CSMD1: variants seen among roughly 807,000 people sequenced by gnomAD.
CSMD1 encodes CUB and Sushi multiple domains 1.
In CSMD1, 213 loss-of-function variants were observed where a neutral mutation model predicts 417.5. The observed-to-expected ratio is 0.51, with a 90% CI of 0.46 to 0.57. The LOEUF is 0.57. Among genes scored for constraint, CSMD1 ranks in the 20% least tolerant of loss-of-function variants. The probability of loss-of-function intolerance (pLI) is 0.00; values close to 1 mark genes in which losing one functional copy is unlikely to be tolerated. For synonymous variants in CSMD1, 2,862 were observed against 1,736.8 expected (o/e 1.65, Z -16.11); for missense variants, 6,923 against 4,529.7 (o/e 1.53, Z -15.17).
chr8:3,826,120 C>A (rs1301333803), intron 5 of CSMD1, among the ~76,000 whole-genome samples: 2 of 152,236 alleles, frequency 1.3e-5, no homozygotes, highest in Admixed American at 1.3e-4. Flanking sequence ...AACCGGCCGT[C>A]AGCAGGGAAC....
At chr8:3,786,383 G>C (rs1456660401) in intron 5 of CSMD1, among the ~76,000 whole-genome samples, 1 of 152,096 alleles carries the variant, frequency 6.6e-6, no homozygotes, top group Non-Finnish European at 1.5e-5. Context: ...AGATACTAGA[G>C]TGAGAAGAAG....
chr8:4,780,620 T>C (rs537701571), intron 1 of CSMD1, among the ~76,000 whole-genome samples: 19 of 152,312 alleles, frequency 1.2e-4, no homozygotes, highest in African/African-American at 4.1e-4. Context: ...TTTGGTTACA[T>C]GAACAAGTTA....
At chr8:3,452,161 G>C (rs944494643) in intron 12 of CSMD1, among the ~76,000 whole-genome samples, 1 of 152,212 alleles carries the variant, frequency 6.6e-6, no homozygotes, top group African/African-American at 2.4e-5. Flanking sequence ...TTTGCACACT[G>C]ATTTTGTATC....
At chr8:3,922,464 C>T (rs779044547) in intron 5 of CSMD1, among the ~76,000 whole-genome samples, 119 of 151,924 alleles carry the variant, frequency 7.8e-4, no homozygotes, top group African/African-American at 2.5e-3. Flanking sequence ...TTCTGTTTCT[C>T]GTCACATTTT....
chr8:3,724,802 C>T (rs977130688), intron 6 of CSMD1, among the ~76,000 whole-genome samples: 1 of 152,190 alleles, frequency 6.6e-6, no homozygotes, highest in African/African-American at 2.4e-5. Flanking sequence ...ACTTTGCCAT[C>T]AGCAGAAACT....
chr8:3,544,541 G>A (rs1020700161), intron 10 of CSMD1, among the ~76,000 whole-genome samples: 1 of 152,070 alleles, frequency 6.6e-6, no homozygotes, highest in African/African-American at 2.4e-5. Flanking sequence ...GACTCGCCCT[G>A]AATTGTTTCT....
chr8:3,750,641 A>C (rs1797292297), intron 6 of CSMD1, among the ~76,000 whole-genome samples: 1 of 152,168 alleles, frequency 6.6e-6, no homozygotes, highest in Non-Finnish European at 1.5e-5. Flanking sequence ...GGGAAGATTC[A>C]GCTGAACAAA....
chr8:3,703,001 A>G (rs1800953638), intron 7 of CSMD1, among the ~76,000 whole-genome samples: 1 of 152,202 alleles, frequency 6.6e-6, no homozygotes, highest in Admixed American at 6.5e-5. Flanking sequence ...GCCCATTTAC[A>G]TTGCACTTTT....
chr8:3,960,687 GAT>G (rs1379904817), intron 5 of CSMD1, among the ~76,000 whole-genome samples: 1 of 151,546 alleles, frequency 6.6e-6, no homozygotes, highest in Admixed American at 6.6e-5. Context: ...TTTTTATAAA[GAT>G]AAATTTAATA....
intron 3 of CSMD1, among the ~76,000 whole-genome samples, chr8:4,226,695 C>T (rs371868948): frequency 5.9e-5 from 9 of 151,860 alleles, no homozygotes; most frequent in East Asian, 3.9e-4. Flanking sequence ...AAAAATTTTA[C>T]GTCCTCTTTA....
intron 2 of CSMD1, among the ~76,000 whole-genome samples, chr8:4,594,509 C>T (rs1036710173): frequency 1.3e-5 from 2 of 152,040 alleles, no homozygotes; most frequent in African/African-American, 4.8e-5. Context: ...CTGAAATGAT[C>T]TGTTTCTAAA....
intron 2 of CSMD1, among the ~76,000 whole-genome samples, chr8:4,441,479 G>A (rs1235590661): frequency 1.3e-5 from 2 of 151,868 alleles, no homozygotes; most frequent in East Asian, 3.9e-4. Context: ...TTAGGAGTTA[G>A]ACATAAGGTA....
At chr8:4,504,201 A>G (rs1287387424) in intron 2 of CSMD1, among the ~76,000 whole-genome samples, 1 of 152,172 alleles carries the variant, frequency 6.6e-6, no homozygotes, top group Non-Finnish European at 1.5e-5. Flanking sequence ...CCTCAAGGTC[A>G]TTATACTGTG....
chr8:4,146,864 C>G (rs1369018567), intron 3 of CSMD1, among the ~76,000 whole-genome samples: 1 of 146,006 alleles, frequency 6.8e-6, no homozygotes, highest in East Asian at 1.9e-4. Context: ...CCCGCCTCAG[C>G]CTCCCAAAGT....
At chr8:3,222,837 G>A (rs929661889) in intron 28 of CSMD1, among the ~76,000 whole-genome samples, 1 of 152,136 alleles carries the variant, frequency 6.6e-6, no homozygotes, top group Non-Finnish European at 1.5e-5. Flanking sequence ...CAGAATCATA[G>A]AAACGTAAAA....
intron 3 of CSMD1, among the ~76,000 whole-genome samples, chr8:4,408,030 C>T (rs1169853765): frequency 2.0e-5 from 3 of 152,124 alleles, no homozygotes; most frequent in Admixed American, 6.6e-5. Flanking sequence ...ACTTACTCAC[C>T]CTCCTCCCCT....
At chr8:4,167,235 G>C (rs968752413) in intron 3 of CSMD1, among the ~76,000 whole-genome samples, 7 of 152,156 alleles carry the variant, frequency 4.6e-5, no homozygotes, top group Non-Finnish European at 7.3e-5. Flanking sequence ...TTTAGGGAAG[G>C]AGTGTCTTCG....
chr8:4,698,319 G>A (rs549068146), intron 1 of CSMD1, among the ~76,000 whole-genome samples: 2 of 152,080 alleles, frequency 1.3e-5, no homozygotes, highest in Non-Finnish European at 2.9e-5. Context: ...ATGAACAACG[G>A]CTCATGGAAC....
At chr8:3,237,973 C>G (rs1401187641) in intron 26 of CSMD1, among the ~76,000 whole-genome samples, 2 of 147,808 alleles carry the variant, frequency 1.4e-5, no homozygotes, top group African/African-American at 2.5e-5. Context: ...ATATATAATA[C>G]AGATTTAAAT....
Sources: allele counts gnomAD v4.1 joint callset (sites outside exome capture counted in the v4.1 genomes callset), GRCh38; gene constraint gnomAD v4.1.1; transcripts MANE v1.5; gene names NCBI Gene and HGNC (gene_info 2026-07-23, HGNC 2026-07-21).